Variants in RBFOX1 observed in about 807,000 individuals in gnomAD.
RBFOX1 encodes the protein RNA binding protein fox-1 homolog 1.
In RBFOX1, 8 loss-of-function variants were observed where a neutral mutation model predicts 57.7. That is an observed-to-expected ratio of 0.14 (90% CI 0.08 to 0.25). RBFOX1 has a LOEUF of 0.25. RBFOX1 is among the 10% of genes least tolerant of loss of function. RBFOX1 has a pLI of 1.00. For synonymous variants in RBFOX1, 326 were observed against 222.4 expected (o/e 1.47, Z -4.15); for missense variants, 611 against 548.5 (o/e 1.11, Z -1.14).
chr16:7,178,439 T>C (rs1001961936), intron 4 of RBFOX1, among the ~76,000 whole-genome samples: 5 of 152,212 alleles, frequency 3.3e-5, no homozygotes, highest in Admixed American at 1.3e-4. Flanking sequence ...AGAAATTGGA[T>C]ATGGGTAAAC....
chr16:7,215,668 C>A (rs940770689), intron 4 of RBFOX1, among the ~76,000 whole-genome samples: 1 of 152,074 alleles, frequency 6.6e-6, no homozygotes, highest in African/African-American at 2.4e-5. Context: ...CCCCCAGTTC[C>A]CCAATGCTAG....
At chr16:7,168,359 G>T (rs1408260886) in intron 4 of RBFOX1, among the ~76,000 whole-genome samples, 1 of 152,074 alleles carries the variant, frequency 6.6e-6, no homozygotes, top group African/African-American at 2.4e-5. Flanking sequence ...TATGTGCTAG[G>T]GTGCAGAGCC....
chr16:5,284,671 C>A (rs1489004196), intron 1 of RBFOX1, among the ~76,000 whole-genome samples: 1 of 144,790 alleles, frequency 6.9e-6, no homozygotes, highest in Non-Finnish European at 1.5e-5. Context: ...TCTTCTGATT[C>A]TCTGGAATTG....
At chr16:7,398,956 A>T (rs1245624480) in intron 4 of RBFOX1, among the ~76,000 whole-genome samples, 1 of 152,202 alleles carries the variant, frequency 6.6e-6, no homozygotes, top group Non-Finnish European at 1.5e-5. Flanking sequence ...CTCTCTTCCA[A>T]TTGGGAGGCA....
At chr16:6,756,339 T>C (rs1234550297) in intron 3 of RBFOX1, among the ~76,000 whole-genome samples, 1 of 152,096 alleles carries the variant, frequency 6.6e-6, no homozygotes, top group Non-Finnish European at 1.5e-5. Flanking sequence ...GCATTAAAGA[T>C]TGAAACCCAA....
At chr16:5,666,589 C>T (rs563228265) in intron 3 of RBFOX1, among the ~76,000 whole-genome samples, 1 of 152,308 alleles carries the variant, frequency 6.6e-6, no homozygotes, top group South Asian at 2.1e-4. Context: ...CAACAGTGTA[C>T]TTAAAGACTG....
intron 10 of RBFOX1, among the ~76,000 whole-genome samples, chr16:7,623,556 G>T (rs1257070357): frequency 6.6e-6 from 1 of 152,164 alleles, no homozygotes; most frequent in Non-Finnish European, 1.5e-5. Context: ...AGGAGGTGGA[G>T]CTCAGGTGGT....
chr16:5,930,369 GATGGATGGATGC>G lies in RBFOX1; in HGVS notation c.351+63051_351+63062del, dbSNP rs950850126. Among the ~76,000 whole-genome samples the G allele has an allele frequency of 3.5e-4, 48 of 137,074 alleles. No individual in the cohort carries two copies. In the East Asian group the frequency reaches 4.0e-3, roughly 11 times the overall value. 89.9% of individuals were successfully genotyped at this position (137,074 alleles called of 152,430 possible). On this transcript the variant is annotated intron_variant, in intron 4 of 19. Coordinates refer to the RBFOX1 transcript ENST00000641259. ...TGGTAGCTGGATGGATGGGAGGGTG[GATGGATGGATGC>G]ATGGATGGATGCATGGTTGGGTAGG...
At chr16:7,235,822 C>G (rs1315229599) in intron 4 of RBFOX1, among the ~76,000 whole-genome samples, 2 of 152,196 alleles carry the variant, frequency 1.3e-5, no homozygotes, top group Admixed American at 1.3e-4. Context: ...ATGCCTTATT[C>G]TGACAATTCC....
At chr16:7,590,295 A>G (rs900747576) in intron 7 of RBFOX1, among the ~76,000 whole-genome samples, 2 of 152,052 alleles carry the variant, frequency 1.3e-5, no homozygotes, top group Non-Finnish European at 2.9e-5. Context: ...ACTTTGGAAT[A>G]TAGATCCAGT....
chr16:5,869,568 G>A (rs4786786), intron 4 of RBFOX1, among the ~76,000 whole-genome samples: 57,542 of 151,830 alleles, frequency 0.38, 11,029 homozygotes, highest in Non-Finnish European at 0.41. Flanking sequence ...TGCCTAGCTA[G>A]TTTTTGTATT....
At chr16:7,361,020 C>A (rs548441487) in intron 4 of RBFOX1, among the ~76,000 whole-genome samples, 2 of 152,174 alleles carry the variant, frequency 1.3e-5, no homozygotes, top group Non-Finnish European at 2.9e-5. Flanking sequence ...TGGGAATCAA[C>A]CCAACCAGGA....
intron 1 of RBFOX1, among the ~76,000 whole-genome samples, chr16:6,257,850 G>A (rs1427092231): frequency 6.6e-6 from 1 of 152,076 alleles, no homozygotes; most frequent in African/African-American, 2.4e-5. Flanking sequence ...TTGTTTCCAT[G>A]TCTTTTCTAC....
intron 3 of RBFOX1, among the ~76,000 whole-genome samples, chr16:6,785,029 GA>G (rs1005594076): frequency 4.0e-5 from 6 of 151,312 alleles, no homozygotes; most frequent in East Asian, 3.9e-4. Flanking sequence ...ACTTCTGAGT[GA>G]AAAAAAATAG....
At chr16:6,392,174 A>G (rs139594737) in intron 2 of RBFOX1, among the ~76,000 whole-genome samples, 2 of 152,304 alleles carry the variant, frequency 1.3e-5, no homozygotes, top group Non-Finnish European at 2.9e-5. Flanking sequence ...GTCTTTGAAA[A>G]GACCGTTTCT....
In RBFOX1 at chr16:6,497,185, A is replaced by T. The variant is rs951508071; in HGVS notation, c.-63-157418A>T. Among the ~76,000 whole-genome samples, 55 of 152,298 alleles carry T rather than the reference A, an allele frequency of 3.6e-4. 1 individual carries two copies. Among genetic ancestry groups the T allele is most frequent in the African/African-American group, 1.3e-3 (52 of 41,566 alleles). ...TGGGAACTTGGCAACAGGCCGACTA[A>T]ACCCACAAGCAGCTTGCTTAACCAC... is the stretch of plus-strand genomic sequence containing the variant. On this transcript the variant is annotated intron_variant, in intron 2 of 15. Transcript: ENST00000550418.
In RBFOX1 at chr16:5,946,276, C is replaced by G. The variant is rs2059398324; in HGVS notation, c.351+78941C>G. On this transcript the variant is annotated intron_variant, in intron 4 of 19. Coordinates refer to the RBFOX1 transcript ENST00000641259. The surrounding 1 kb of genome is among the most constrained non-coding windows in gnomAD (Gnocchi z 4.6). ...AGCTTTCTAATCTGTAAAAGGGACA[C>G]AATCATAGGACCTCCCTCATAGGGT... Among the ~76,000 whole-genome samples the G allele has an allele frequency of 6.6e-6, 1 of 152,178 alleles. No individual in the cohort carries two copies.
At chr16:5,258,983 C>G (rs1274352824) in intron 1 of RBFOX1, among the ~76,000 whole-genome samples, 1 of 151,902 alleles carries the variant, frequency 6.6e-6, no homozygotes, top group Non-Finnish European at 1.5e-5. Flanking sequence ...CTGGCCCCTG[C>G]TCCTTAATGT....
chr16:7,365,384 C>A (rs938219949), intron 4 of RBFOX1, among the ~76,000 whole-genome samples: 1 of 152,150 alleles, frequency 6.6e-6, no homozygotes, highest in South Asian at 2.1e-4. Context: ...TCCACCAAAC[C>A]ATAGCCATAG....
Sources: allele counts gnomAD v4.1 joint callset (sites outside exome capture counted in the v4.1 genomes callset), GRCh38; gene constraint gnomAD v4.1.1; non-coding constraint Gnocchi (gnomAD v3.1); transcripts MANE v1.5; gene names NCBI Gene and HGNC (gene_info 2026-07-23, HGNC 2026-07-21).